MRPL42: variants seen among roughly 807,000 people sequenced by gnomAD.
MRPL42 encodes the protein mitochondrial ribosomal protein L42, also known as large ribosomal subunit protein mL42.
MRPL42 carries 17 observed loss-of-function variants against 17.9 expected under a neutral mutation model. The observed-to-expected ratio is 0.95, with a 90% CI of 0.65 to 1.42. The LOEUF (loss-of-function observed/expected upper bound fraction) is 1.42. Among genes scored for constraint, MRPL42 ranks in the 40% most tolerant of loss-of-function variants. The probability of loss-of-function intolerance (pLI) is 0.00; values close to 1 mark genes in which losing one functional copy is unlikely to be tolerated. For synonymous variants in MRPL42, 59 were observed against 54.4 expected (o/e 1.08, Z -0.37); for missense variants, 177 against 175.2 (o/e 1.01, Z -0.06).
At chr12:93,499,363 T>C (rs1466234276) in intron 5 of MRPL42, among the ~76,000 whole-genome samples, 1 of 151,934 alleles carries the variant, frequency 6.6e-6, no homozygotes, top group African/African-American at 2.4e-5. Flanking sequence ...ACACTTTTAA[T>C]GGATAGTTCT....
chr12:93,500,826 T>C (rs1344506741), intron 5 of MRPL42: 1 of 167,408 alleles, frequency 6.0e-6, no homozygotes, highest in Non-Finnish European at 1.3e-5. Flanking sequence ...CCACGTGTGG[T>C]GGTGTGCCTG....
At chr12:93,487,764 A>G in intron 5 of MRPL42, 104 bp downstream of exon 5, 1 of 1,067,470 alleles carries the variant, frequency 9.4e-7, no homozygotes, top group Non-Finnish European at 1.3e-6. Context: ...GCATGAGGAA[A>G]TTAACCCTAA....
chr12:93,477,436 A>G (rs980664524), intron 3 of MRPL42, among the ~76,000 whole-genome samples: 1 of 152,224 alleles, frequency 6.6e-6, no homozygotes, highest in Non-Finnish European at 1.5e-5. Context: ...TACTTATTCA[A>G]TTTAGTCACT....
At chr12:93,496,931 A>C in intron 5 of MRPL42, among the ~76,000 whole-genome samples, 1 of 152,092 alleles carries the variant, frequency 6.6e-6, no homozygotes, top group East Asian at 1.9e-4. Context: ...CTCAGAGACT[A>C]TTATTAGGAA....
At chr12:93,480,546 CT>C (rs1263859088) in intron 4 of MRPL42, among the ~76,000 whole-genome samples, 177 of 138,934 alleles carry the variant, frequency 1.3e-3, no homozygotes, top group Non-Finnish European at 1.2e-3. Context: ...AATTTCTTTT[CT>C]TTTTTTTTTT....
At chr12:93,488,432 G>T (rs374452853) in intron 5 of MRPL42, 1 of 395,832 alleles carries the variant, frequency 2.5e-6, no homozygotes, top group East Asian at 3.6e-5. Context: ...AAATGAAATA[G>T]TACTTCTTTT....
intron 2 of MRPL42, chr12:93,470,586 A>G (rs1010507370): frequency 3.2e-6 from 4 of 1,235,612 alleles, no homozygotes; most frequent in Non-Finnish European, 4.2e-6. Context: ...CATAGTACCC[A>G]ATAGGTAGTT....
chr12:93,500,055 C>T (rs1183366933), intron 5 of MRPL42, among the ~76,000 whole-genome samples: 1 of 152,090 alleles, frequency 6.6e-6, no homozygotes, highest in African/African-American at 2.4e-5. Flanking sequence ...TAAGGAAATG[C>T]AGAGGAGCAA....
chr12:93,491,423 G>A (rs1953411059), intron 5 of MRPL42, among the ~76,000 whole-genome samples: 1 of 152,110 alleles, frequency 6.6e-6, no homozygotes, highest in Non-Finnish European at 1.5e-5. Context: ...AGTATCTGTA[G>A]AAATATTTTG....
At position 93,510,780 on chromosome 12, in the gene MRPL42, A is replaced by G. The variant is rs1037521456; in HGVS notation, c.*9559A>G. ...TTACTCATTATTTTTTCTTCTTATG[A>G]TTGAAGTTATAATATTTCTTTAAAT... is the stretch of plus-strand genomic sequence containing the variant. On this transcript the variant is annotated 3_prime_UTR_variant, in exon 6 of 6. Transcript: ENST00000549982. 3 of 152,104 alleles carry G rather than the reference A, an allele frequency of 2.0e-5. No homozygotes were observed. Among genetic ancestry groups the G allele is most frequent in the East Asian group, 1.9e-4 (1 of 5,202 alleles). The allele number at this position is 152,104 out of a possible 1,614,324, so 9.4% of individuals were successfully genotyped here. A position where few individuals can be genotyped will look rare whatever the true frequency, so the allele number is the denominator to read the frequency against.
intron 5 of MRPL42, among the ~76,000 whole-genome samples, chr12:93,490,413 A>G (rs1371792030): frequency 1.3e-5 from 2 of 152,216 alleles, no homozygotes; most frequent in Non-Finnish European, 2.9e-5. Flanking sequence ...CCTAATAAAG[A>G]GCTTGGCAGA....
At chr12:93,494,250 T>C (rs2121257422) in intron 5 of MRPL42, among the ~76,000 whole-genome samples, 1 of 152,328 alleles carries the variant, frequency 6.6e-6, no homozygotes, top group Non-Finnish European at 1.5e-5. Context: ...TTACTCTGGC[T>C]GCTACGCTAC....
At chr12:93,490,683 A>AT (rs1484627813) in intron 5 of MRPL42, among the ~76,000 whole-genome samples, 1 of 151,958 alleles carries the variant, frequency 6.6e-6, no homozygotes, top group African/African-American at 2.4e-5. Context: ...TGATTCATTC[A>AT]TTCATTCTCA....
chr12:93,475,954 C>G (rs1026525617), intron 2 of MRPL42, among the ~76,000 whole-genome samples: 5 of 151,998 alleles, frequency 3.3e-5, no homozygotes, highest in African/African-American at 1.2e-4. Context: ...GCACTCCAGC[C>G]TGGGAGACAG....
chr12:93,470,310 C>T (rs538640701), intron 2 of MRPL42, among the ~76,000 whole-genome samples: 1 of 152,188 alleles, frequency 6.6e-6, no homozygotes, highest in Non-Finnish European at 1.5e-5. Context: ...TTTTTCTCAG[C>T]CAACTGTGCT....
rs897560585 is a variant in MRPL42, at chr12:93,505,847, T to C, written c.*4626T>C. On this transcript the variant is annotated 3_prime_UTR_variant, in exon 6 of 6. Coordinates refer to ENST00000549982, the MANE Select transcript of MRPL42 (RefSeq NM_014050.4). ...GAGCTCCTGTTTTTAGATGGAGAAA[T>C]GGAGGCAGAGTCTCACAATTACATG... The C allele has an allele frequency of 6.6e-6, 1 of 151,942 alleles. No individual in the cohort carries two copies. The highest frequency in any genetic ancestry group is 1.5e-5 in the Non-Finnish European group (1 of 68,020). The allele number at this position is 151,942 out of a possible 1,614,324, so 9.4% of individuals were successfully genotyped here.
chr12:93,484,856 C>T (rs1256981744), intron 4 of MRPL42, among the ~76,000 whole-genome samples: 1 of 149,342 alleles, frequency 6.7e-6, no homozygotes, highest in Non-Finnish European at 1.5e-5. Context: ...CCATGGCCTC[C>T]CAAAGTGCTG....
chr12:93,491,090 C>T lies in MRPL42; in HGVS notation c.383+3430C>T, dbSNP rs181447040. On this transcript the variant is annotated intron_variant, in intron 5 of 5. Transcript: ENST00000549982. ...ATTTTTAGTAGAGACGGGGTTTCAC[C>T]ATGTTGGCCAGGCTGGTCTCAAACT... Among the ~76,000 whole-genome samples the T allele has an allele frequency of 1.4e-4, 21 of 152,084 alleles. No individual in the cohort carries two copies. In the East Asian group the frequency reaches 3.5e-3, roughly 25 times the overall value.
rs1261319881 is a variant in MRPL42, at chr12:93,512,867, T to G, written c.*11646T>G. 6.6e-5 allele frequency: 10 copies of G among 152,360 alleles called. No homozygotes were observed. In the East Asian group the frequency reaches 1.9e-3, roughly 29 times the overall value. The allele number at this position is 152,360 out of a possible 1,614,324, so 9.4% of individuals were successfully genotyped here. On this transcript the variant is annotated 3_prime_UTR_variant, in exon 6 of 6. Coordinates refer to ENST00000549982, the MANE Select transcript of MRPL42 (RefSeq NM_014050.4). ...AGAGGATTTAAATTTAATTGTAAGC[T>G]TATATGATACATTGTTCTAACTGGC... is the stretch of plus-strand genomic sequence containing the variant.
Sources: allele counts gnomAD v4.1 joint callset (sites outside exome capture counted in the v4.1 genomes callset), GRCh38; gene constraint gnomAD v4.1.1; transcripts MANE v1.5; gene names NCBI Gene and HGNC (gene_info 2026-07-23, HGNC 2026-07-21).